TSHZ2: variants seen among roughly 807,000 people sequenced by gnomAD.
The protein encoded by TSHZ2 is teashirt zinc finger homeobox 2.
TSHZ2 carries 21 observed loss-of-function variants against 74.4 expected under a neutral mutation model. The observed-to-expected ratio is 0.28, with a 90% CI of 0.20 to 0.41. TSHZ2 has a LOEUF of 0.41. Ranked by LOEUF, TSHZ2 falls within the 10% of genes least tolerant of loss-of-function variation. TSHZ2 has a pLI of 1.00. For synonymous variants in TSHZ2, 540 were observed against 515.3 expected, an observed-to-expected ratio of 1.05 and a Z score of -0.65; for missense variants, 1,244 against 1,293.5, an observed-to-expected ratio of 0.96 and a Z score of 0.59.
chr20:53,452,608 A>C (rs954791267), intron 2 of TSHZ2, among the ~76,000 whole-genome samples: 1 of 152,080 alleles, frequency 6.6e-6, no homozygotes, highest in Non-Finnish European at 1.5e-5. Flanking sequence ...CAAAAAAAAA[A>C]AAAAAAAGGA....
In TSHZ2 at chr20:52,982,424, C is replaced by T. The variant is rs184344601; in HGVS notation, c.40+9091C>T. Among the ~76,000 whole-genome samples, 197 of 152,316 alleles carry T rather than the reference C, an allele frequency of 1.3e-3. 2 individuals carry two copies. Among genetic ancestry groups the T allele is most frequent in the African/African-American group, 4.4e-3 (181 of 41,560 alleles). ...CTATGGGGTTAATTGAGAGCCTAGA[C>T]GGAGGATGCTGCCTTTAGCGGCATC... On this transcript the variant is annotated intron_variant, in intron 1 of 2. Coordinates refer to ENST00000371497, the MANE Select transcript of TSHZ2 (RefSeq NM_173485.6).
At chr20:53,001,821 T>C (rs1982452391) in intron 1 of TSHZ2, among the ~76,000 whole-genome samples, 1 of 152,210 alleles carries the variant, frequency 6.6e-6, no homozygotes, top group Non-Finnish European at 1.5e-5. Context: ...AGAGTATCAT[T>C]GTTTGATAGT....
intron 1 of TSHZ2, among the ~76,000 whole-genome samples, chr20:53,031,774 T>C (rs1202756181): frequency 6.6e-6 from 1 of 152,242 alleles, no homozygotes; most frequent in African/African-American, 2.4e-5. Flanking sequence ...TCTTGCATTC[T>C]GTAGCACCAC....
intron 2 of TSHZ2, among the ~76,000 whole-genome samples, chr20:53,459,852 A>G (rs1461985013): frequency 6.6e-6 from 1 of 151,534 alleles, no homozygotes; most frequent in Non-Finnish European, 1.5e-5. Flanking sequence ...TCTGGGTTGA[A>G]AATTCTTTTC....
At chr20:53,219,081 A>T (rs951070430) in intron 1 of TSHZ2, among the ~76,000 whole-genome samples, 15 of 152,224 alleles carry the variant, frequency 9.9e-5, no homozygotes, top group African/African-American at 3.6e-4. Context: ...GTTAGGTAAA[A>T]GAAGCTTTTA....
intron 2 of TSHZ2, among the ~76,000 whole-genome samples, chr20:53,439,085 T>G (rs1984211760): frequency 6.6e-6 from 1 of 152,238 alleles, no homozygotes; most frequent in Admixed American, 6.5e-5. Flanking sequence ...CATCATAAAG[T>G]ACATGCTCAA....
At chr20:53,175,131 C>CTTTTTTTGTTTT (rs1988300269) in intron 1 of TSHZ2, among the ~76,000 whole-genome samples, 1 of 63,644 alleles carries the variant, frequency 1.6e-5, no homozygotes, top group African/African-American at 7.2e-5. Flanking sequence ...CTTCTTCTTT[C>CTTTTTTTGTTTT]TTTTTTTTTT....
intron 1 of TSHZ2, among the ~76,000 whole-genome samples, chr20:53,037,212 C>T (rs549961808): frequency 3.3e-5 from 5 of 152,282 alleles, no homozygotes; most frequent in African/African-American, 4.8e-5. Context: ...CACTCAGGCA[C>T]GGGTCAGTGA....
intron 1 of TSHZ2, among the ~76,000 whole-genome samples, chr20:53,075,436 G>C (rs928995439): frequency 6.6e-6 from 1 of 152,190 alleles, no homozygotes; most frequent in Non-Finnish European, 1.5e-5. Context: ...ATGGTAGTAG[G>C]AAAATAGGGA....
intron 2 of TSHZ2, among the ~76,000 whole-genome samples, chr20:53,282,890 G>C (rs1011183012): frequency 3.9e-5 from 6 of 152,206 alleles, no homozygotes; most frequent in African/African-American, 1.2e-4. Flanking sequence ...GCCACTCCCA[G>C]ATCAGAACAG....
chr20:53,106,468 G>A (rs781155345), intron 1 of TSHZ2, among the ~76,000 whole-genome samples: 4 of 119,774 alleles, frequency 3.3e-5, no homozygotes, highest in South Asian at 2.8e-4. Context: ...GCAGTGGCAC[G>A]ATCTTGGCTC....
chr20:53,114,067 C>G (rs1986603670), intron 1 of TSHZ2, among the ~76,000 whole-genome samples: 1 of 148,988 alleles, frequency 6.7e-6, no homozygotes, highest in African/African-American at 2.5e-5. Context: ...ACATTTCAGC[C>G]TGGGTAATGG....
At chr20:53,481,296 G>C (rs566598364) in intron 2 of TSHZ2, among the ~76,000 whole-genome samples, 1 of 152,092 alleles carries the variant, frequency 6.6e-6, no homozygotes, top group Non-Finnish European at 1.5e-5. Flanking sequence ...ATTTGGCTAG[G>C]CACGGTGCCT....
chr20:53,029,216 G>A (rs536657057), intron 1 of TSHZ2, among the ~76,000 whole-genome samples: 11 of 152,164 alleles, frequency 7.2e-5, no homozygotes, highest in South Asian at 6.2e-4. Context: ...TAATTCCCTC[G>A]TTTTCCTCTA....
intron 2 of TSHZ2, among the ~76,000 whole-genome samples, chr20:53,439,396 G>C (rs2145752449): frequency 6.6e-6 from 1 of 152,280 alleles, no homozygotes; most frequent in Admixed American, 6.5e-5. Flanking sequence ...CCGTGACCAA[G>C]TCCTTGACCT....
intron 2 of TSHZ2, among the ~76,000 whole-genome samples, chr20:53,383,391 C>T (rs777530129): frequency 6.6e-6 from 1 of 152,142 alleles, no homozygotes; most frequent in Non-Finnish European, 1.5e-5. Flanking sequence ...GAGATGTACC[C>T]TAGAAGTTCT....
At chr20:53,151,951 C>T (rs1026807671) in intron 1 of TSHZ2, among the ~76,000 whole-genome samples, 2 of 152,098 alleles carry the variant, frequency 1.3e-5, no homozygotes. Context: ...CTAAGCAATA[C>T]AAGACGGTTG....
chr20:53,365,271 A>G (rs1319583661), intron 2 of TSHZ2, among the ~76,000 whole-genome samples: 1 of 152,220 alleles, frequency 6.6e-6, no homozygotes, highest in Non-Finnish European at 1.5e-5. Context: ...TAAGTGGCCA[A>G]TTGGCTTCTA....
At chr20:53,045,291 G>A (rs1020213052) in intron 1 of TSHZ2, among the ~76,000 whole-genome samples, 7 of 152,154 alleles carry the variant, frequency 4.6e-5, no homozygotes, top group Non-Finnish European at 1.0e-4. Flanking sequence ...TCAACCTTCC[G>A]TGATTTCAAA....
Sources: allele counts gnomAD v4.1 joint callset (sites outside exome capture counted in the v4.1 genomes callset), GRCh38; gene constraint gnomAD v4.1.1; transcripts MANE v1.5; gene names NCBI Gene and HGNC (gene_info 2026-07-23, HGNC 2026-07-21).